The following OR11A1 variants were observed in gnomAD, a reference collection of about 807,000 sequenced individuals.
OR11A1 encodes the protein olfactory receptor family 11 subfamily A member 1.
For synonymous variants in OR11A1, 158 were observed against 152.2 expected, an observed-to-expected ratio of 1.04 and a Z score of -0.28; for missense variants, 380 against 378.2, an observed-to-expected ratio of 1.00 and a Z score of -0.04.
Position 29,427,105 on chromosome 6 carries a change from G to T in OR11A1, c.537C>A (p.Tyr179Ter). The change falls in exon 5 of 5, where the codon TAC (tyrosine) becomes TAA (stop). Residue 179 changes from tyrosine (Y) to a stop codon, truncating the protein, a stop_gained. Transcript: ENST00000377149. LOFTEE classifies it low-confidence loss of function (END_TRUNC). ...FCGPNHIDQF[Y>*]CDFMLFVGLA... is the part of the protein sequence containing the mutation. ...GGCCCACGAAAAGCATAAAGTCACAGTAAAACTGGTCAATGTGGTTGGGGC... is the reference window on the plus strand; with the variant it reads ...GGCCCACGAAAAGCATAAAGTCACATTAAAACTGGTCAATGTGGTTGGGGC... 1 of 1,612,874 alleles carries T rather than the reference G, an allele frequency of 6.2e-7. No individual in the cohort carries two copies. The highest frequency in any genetic ancestry group is 8.5e-7 in the Non-Finnish European group (1 of 1,180,010).
intron 1 of OR11A1, among the ~76,000 whole-genome samples, chr6:29,438,717 C>T (rs776640426): frequency 6.6e-5 from 10 of 152,158 alleles, no homozygotes; most frequent in Non-Finnish European, 8.8e-5. Flanking sequence ...GAAGCATTCT[C>T]CCCATTGGAA....
intron 1 of OR11A1, among the ~76,000 whole-genome samples, chr6:29,442,288 C>T (rs1226592280): frequency 6.6e-6 from 1 of 152,064 alleles, no homozygotes; most frequent in Non-Finnish European, 1.5e-5. Context: ...ACTACCAAGA[C>T]ACGGAAGAGC....
At chr6:29,449,531 AG>A (rs1467943696) in intron 1 of OR11A1, among the ~76,000 whole-genome samples, 1 of 152,242 alleles carries the variant, frequency 6.6e-6, no homozygotes, top group Non-Finnish European at 1.5e-5. Context: ...CTCACAAAAA[AG>A]TATCTTTCTT....
At chr6:29,444,576 T>A (rs1287532654) in intron 1 of OR11A1, among the ~76,000 whole-genome samples, 1 of 152,214 alleles carries the variant, frequency 6.6e-6, no homozygotes, top group Non-Finnish European at 1.5e-5. Flanking sequence ...TCCCAAGGAC[T>A]ATATGCTTCT....
chr6:29,441,007 T>A, intron 1 of OR11A1: 2 of 1,167,852 alleles, frequency 1.7e-6, no homozygotes, highest in Non-Finnish European at 2.5e-6. Context: ...CCCAAATACC[T>A]AAGGATCAAA....
At chr6:29,451,496 A>G (rs1451828305) in intron 1 of OR11A1, among the ~76,000 whole-genome samples, 1 of 152,170 alleles carries the variant, frequency 6.6e-6, no homozygotes, top group Non-Finnish European at 1.5e-5. Flanking sequence ...GAACTTAAAG[A>G]GAAAAAAAAT....
chr6:29,430,002 C>T (rs9295805), intron 3 of OR11A1, among the ~76,000 whole-genome samples: 33,256 of 152,066 alleles, frequency 0.22, 4,093 homozygotes, highest in Non-Finnish European at 0.28. Flanking sequence ...CATCTGATAC[C>T]TGATGTGCAA....
At chr6:29,440,793 C>T (rs1358295170) in intron 1 of OR11A1, 6 of 1,614,088 alleles carry the variant, frequency 3.7e-6, no homozygotes, top group Admixed American at 3.3e-5. Flanking sequence ...TATCTATATT[C>T]GCCCTAAGGC....
At position 29,452,848 on chromosome 6, in the gene OR11A1, T is replaced by C. The variant is rs182920173; in HGVS notation, c.-389+4139A>G. 1.4e-3 allele frequency among the ~76,000 whole-genome samples: 210 copies of C among 152,222 alleles called. 5 individuals carry two copies. In the East Asian group the frequency reaches 0.021, roughly 15 times the overall value. ...GAGAAGGAACGAAAAACTTTCAAGA[T>C]TGGAAACATAAAAGTGTATATAAAA... On this transcript the variant is annotated intron_variant, in intron 1 of 4. Transcript: ENST00000377149.
At position 29,430,375 on chromosome 6, in the gene OR11A1, T is replaced by A; in HGVS notation, c.-214A>T. On this transcript the variant is annotated 5_prime_UTR_variant, in exon 3 of 5. Coordinates refer to ENST00000377149, the MANE Select transcript of OR11A1 (RefSeq NM_001394828.1). The stretch of plus-strand genomic sequence containing the variant: ...GTGGGCCATCTTTAACTCTAGATTA[T>A]TTTATCTGGTCCAAACTCATTCTGA... 1 of 985,374 alleles carries A rather than the reference T, an allele frequency of 1.0e-6. No individual in the cohort carries two copies. Among genetic ancestry groups the A allele is most frequent in the Non-Finnish European group, 1.2e-6 (1 of 829,892 alleles). The allele number at this position is 985,374 out of a possible 1,614,324, so 61.0% of individuals were successfully genotyped here.
chr6:29,448,653 G>A (rs1435103876), intron 1 of OR11A1, among the ~76,000 whole-genome samples: 1 of 152,160 alleles, frequency 6.6e-6, no homozygotes, highest in Admixed American at 6.5e-5. Context: ...TGTCCATTCT[G>A]CATGCCACTC....
intron 1 of OR11A1, among the ~76,000 whole-genome samples, chr6:29,437,730 A>C (rs940012606): frequency 1.3e-5 from 2 of 152,222 alleles, no homozygotes; most frequent in Non-Finnish European, 2.9e-5. Flanking sequence ...TTTAGCAATA[A>C]TACTACATAG....
chr6:29,440,454 G>C (rs754768833), intron 1 of OR11A1: 1 of 1,613,902 alleles, frequency 6.2e-7, no homozygotes, highest in Admixed American at 1.7e-5. Flanking sequence ...AGCTGGGTCG[G>C]CGTGGGCCTG....
At chr6:29,430,617 G>A (rs1259156168) in intron 2 of OR11A1, among the ~76,000 whole-genome samples, 192 bp from the exon 3 acceptor site, 2 of 152,156 alleles carry the variant, frequency 1.3e-5, no homozygotes, top group African/African-American at 4.8e-5. Context: ...AATAATGTGT[G>A]CACATGAACA....
In OR11A1 at chr6:29,427,120, G is replaced by A. The variant is rs1293981037; in HGVS notation, c.522C>T (p.His174=). Residue 174 remains histidine, a synonymous_variant, in exon 5 of 5, where the codon CAC becomes CAT. Coordinates refer to ENST00000377149, the MANE Select transcript of OR11A1 (RefSeq NM_001394828.1). The stretch of plus-strand genomic sequence containing the variant: ...TAAAGTCACAGTAAAACTGGTCAAT[G>A]TGGTTGGGGCCACAGAACCTCAGCT... ...VAQLRFCGPN[H]IDQFYCDFML... is the part of the protein sequence containing the mutation. 1.2e-6 allele frequency: 2 copies of A among 1,612,974 alleles called. No homozygotes were observed. Among genetic ancestry groups the A allele is most frequent in the South Asian group, 1.1e-5 (1 of 91,080 alleles).
At chr6:29,448,826 A>G (rs764681511) in intron 1 of OR11A1, among the ~76,000 whole-genome samples, 1 of 152,156 alleles carries the variant, frequency 6.6e-6, no homozygotes, top group African/African-American at 2.4e-5. Flanking sequence ...ATTACCCAGT[A>G]GCTCTCATCC....
chr6:29,444,884 A>T (rs931744337), intron 1 of OR11A1, among the ~76,000 whole-genome samples: 1 of 152,010 alleles, frequency 6.6e-6, no homozygotes, highest in South Asian at 2.1e-4. Flanking sequence ...TCTGTCCCTA[A>T]TATTTCCTCC....
chr6:29,436,901 T>C (rs1364062056), intron 1 of OR11A1, among the ~76,000 whole-genome samples: 1 of 152,246 alleles, frequency 6.6e-6, no homozygotes, highest in Non-Finnish European at 1.5e-5. Context: ...GGTTCCTCTT[T>C]CCTCGCTCAA....
intron 1 of OR11A1, 102 bp from the exon 2 acceptor site, chr6:29,432,089 C>T: frequency 1.3e-6 from 1 of 776,748 alleles, no homozygotes; most frequent in Non-Finnish European, 1.6e-6. Flanking sequence ...AGCTCTCAGG[C>T]TATTCTGTCC....
Sources: allele counts gnomAD v4.1 joint callset (sites outside exome capture counted in the v4.1 genomes callset), GRCh38; gene constraint gnomAD v4.1.1; transcripts MANE v1.5; gene names NCBI Gene and HGNC (gene_info 2026-07-23, HGNC 2026-07-21).